KCNMA1: variants seen among roughly 807,000 people sequenced by gnomAD.
The protein encoded by KCNMA1 is potassium calcium-activated channel subfamily M alpha 1.
Under a neutral mutation model 140.0 loss-of-function variants are expected in KCNMA1, and 29 were observed. The ratio of observed to expected loss-of-function variants is 0.21; its 90% CI spans 0.15 to 0.28. KCNMA1 has a LOEUF of 0.28. Ranked by LOEUF, KCNMA1 falls within the 10% of genes least tolerant of loss-of-function variation. KCNMA1 has a pLI of 1.00. For synonymous variants in KCNMA1, 612 were observed against 611.9 expected (o/e 1.00, Z 0.00); for missense variants, 880 against 1,602.2 (o/e 0.55, Z 7.70).
intron 21 of KCNMA1, 101 bp from the exon 22 acceptor site, chr10:76,949,467 G>T (rs2065417829): frequency 4.2e-6 from 4 of 956,504 alleles, no homozygotes; most frequent in Admixed American, 2.0e-5. Context: ...GCAAATATTT[G>T]CTGAGAGCTT....
intron 3 of KCNMA1, among the ~76,000 whole-genome samples, chr10:77,215,367 C>T (rs930824282): frequency 2.7e-4 from 40 of 147,582 alleles, no homozygotes; most frequent in African/African-American, 9.8e-4. Flanking sequence ...CAGATTGCAC[C>T]TGTTTTGTTT....
chr10:77,188,782 CTT>C (rs1414832296), intron 3 of KCNMA1, among the ~76,000 whole-genome samples: 1 of 152,136 alleles, frequency 6.6e-6, no homozygotes, highest in Non-Finnish European at 1.5e-5. Context: ...CAAAGACTGA[CTT>C]AAGAACTTAT....
chr10:77,316,394 A>C (rs1442721368), intron 2 of KCNMA1, among the ~76,000 whole-genome samples: 1 of 152,208 alleles, frequency 6.6e-6, no homozygotes, highest in African/African-American at 2.4e-5. Context: ...TTTACAAAGC[A>C]TGAAAAGGAA....
chr10:76,871,232 C>T (rs761038639), exon 28 of KCNMA1: 20 of 152,724 alleles, frequency 1.3e-4, no homozygotes, highest in South Asian at 4.1e-4. Flanking sequence ...CCTTCCCTCA[C>T]GGACAGCTCT....
intron 1 of KCNMA1, among the ~76,000 whole-genome samples, chr10:77,529,637 T>C (rs1174280924): frequency 1.3e-5 from 2 of 152,020 alleles, no homozygotes; most frequent in African/African-American, 4.8e-5. Context: ...CTAGAAGTCA[T>C]GAGATAGGAA....
intron 2 of KCNMA1, among the ~76,000 whole-genome samples, chr10:77,372,664 G>A (rs2094821171): frequency 6.6e-6 from 1 of 152,150 alleles, no homozygotes; most frequent in African/African-American, 2.4e-5. Context: ...CTTCTTCCAT[G>A]CGCTTGCCTG....
Position 77,051,178 on chromosome 10 carries a change from G to T in KCNMA1, c.1750-11541C>A, listed in dbSNP as rs138925349. On this transcript the variant is annotated intron_variant, in intron 14 of 27. Transcript: ENST00000286628. ...CAGTATTGAGTGTGAGGACGAAAAC[G>T]CTCGCCAACCCAGTCCTGTTTTAGT... Among the ~76,000 whole-genome samples, 9 of 152,058 alleles carry T rather than the reference G, an allele frequency of 5.9e-5. No homozygotes were observed. In the South Asian group the frequency reaches 1.0e-3, roughly 18 times the overall value.
intron 1 of KCNMA1, among the ~76,000 whole-genome samples, chr10:77,565,210 G>T (rs1043292157): frequency 3.3e-5 from 5 of 152,114 alleles, no homozygotes; most frequent in Admixed American, 6.5e-5. Context: ...TTCCCCTTGT[G>T]AATCCCTCCA....
chr10:77,445,730 A>G (rs554812066), intron 1 of KCNMA1, among the ~76,000 whole-genome samples: 2 of 152,208 alleles, frequency 1.3e-5, no homozygotes, highest in African/African-American at 2.4e-5. Flanking sequence ...AGGAAACTCA[A>G]TCCCACCAGG....
chr10:77,193,808 C>G (rs1323381787), intron 3 of KCNMA1, among the ~76,000 whole-genome samples: 1 of 152,158 alleles, frequency 6.6e-6, no homozygotes, highest in Non-Finnish European at 1.5e-5. Flanking sequence ...AGTCCCAGGT[C>G]TGAATGGAGA....
At chr10:77,120,136 T>C (rs890273014) in intron 6 of KCNMA1, among the ~76,000 whole-genome samples, 1 of 152,194 alleles carries the variant, frequency 6.6e-6, no homozygotes, top group Non-Finnish European at 1.5e-5. Context: ...AAAGAGGAAA[T>C]GGAACATTAG....
At chr10:76,953,677 C>T (rs1591793955) in intron 21 of KCNMA1, 124 bp downstream of exon 21, 1 of 1,150,478 alleles carries the variant, frequency 8.7e-7, no homozygotes, top group Non-Finnish European at 1.3e-6. Context: ...CAGAATTTCA[C>T]TCATCAAAAA....
At chr10:77,317,914 TA>T (rs2081302883) in intron 2 of KCNMA1, among the ~76,000 whole-genome samples, 1 of 152,192 alleles carries the variant, frequency 6.6e-6, no homozygotes, top group Non-Finnish European at 1.5e-5. Flanking sequence ...TCCCAAAAAC[TA>T]GAAATTGTTT....
chr10:76,887,943 C>G (rs1488108654), intron 27 of KCNMA1: 1 of 212,858 alleles, frequency 4.7e-6, no homozygotes, highest in Non-Finnish European at 9.6e-6. Context: ...TCTCCTTAGA[C>G]TATTCTCGCT....
intron 19 of KCNMA1, among the ~76,000 whole-genome samples, chr10:76,973,409 T>C (rs1053533997): frequency 1.3e-5 from 2 of 152,236 alleles, no homozygotes; most frequent in Non-Finnish European, 2.9e-5. Flanking sequence ...CTAACAGTTT[T>C]ACAGTTTGGG....
intron 17 of KCNMA1, chr10:77,012,267 T>C: frequency 2.1e-6 from 3 of 1,460,498 alleles, no homozygotes; most frequent in Non-Finnish European, 2.7e-6. Flanking sequence ...TTTCATAAAC[T>C]TCCATTTACA....
At chr10:77,009,637 C>T (rs2090202769) in intron 18 of KCNMA1, among the ~76,000 whole-genome samples, 1 of 152,142 alleles carries the variant, frequency 6.6e-6, no homozygotes, top group Non-Finnish European at 1.5e-5. Context: ...ACACTTCTTA[C>T]CACGTCCCCT....
intron 6 of KCNMA1, among the ~76,000 whole-genome samples, chr10:77,114,783 G>T (rs2097414439): frequency 6.6e-6 from 1 of 152,158 alleles, no homozygotes; most frequent in Non-Finnish European, 1.5e-5. Context: ...GTTGCTATTT[G>T]ACTCTTGTGT....
At chr10:77,022,597 A>G (rs1325200635) in intron 16 of KCNMA1, among the ~76,000 whole-genome samples, 1 of 152,196 alleles carries the variant, frequency 6.6e-6, no homozygotes, top group Non-Finnish European at 1.5e-5. Context: ...AGTTGAGTAG[A>G]GGGGTACAAA....
Sources: gnomAD v4.1 joint callset for allele counts (sites outside exome capture counted in the v4.1 genomes callset) on GRCh38, gnomAD v4.1.1 for gene constraint, MANE v1.5 for transcripts, NCBI Gene and HGNC (gene_info 2026-07-23, HGNC 2026-07-21) for gene names.